The following LAMA2 variants were observed in gnomAD, a reference collection of about 807,000 sequenced individuals.
LAMA2 encodes the protein laminin subunit alpha-2.
LAMA2 carries 269 observed loss-of-function variants against 364.8 expected under a neutral mutation model. The observed-to-expected ratio is 0.74, with a 90% CI of 0.67 to 0.82. The LOEUF is 0.82. LAMA2 is among the 40% of genes least tolerant of loss of function. The pLI is 0.00. For synonymous variants in LAMA2, 1,379 were observed against 1,370.6 expected (o/e 1.01, Z -0.14); for missense variants, 3,807 against 3,873.2 (o/e 0.98, Z 0.45).
At chr6:129,398,798 T>C (rs1779804417) in intron 37 of LAMA2, among the ~76,000 whole-genome samples, 1 of 152,274 alleles carries the variant, frequency 6.6e-6, no homozygotes, top group East Asian at 1.9e-4. Flanking sequence ...TATTAAAAAA[T>C]ATTTATTGAG....
At chr6:129,234,198 A>G (rs1784846738) in intron 12 of LAMA2, among the ~76,000 whole-genome samples, 2 of 152,184 alleles carry the variant, frequency 1.3e-5, no homozygotes, top group African/African-American at 4.8e-5. Flanking sequence ...ATTGGTTTGC[A>G]AGGCCTGGAG....
At chr6:128,977,710 G>A (rs1397080311) in intron 1 of LAMA2, among the ~76,000 whole-genome samples, 2 of 152,168 alleles carry the variant, frequency 1.3e-5, no homozygotes, top group Admixed American at 6.5e-5. Context: ...GGTTTCGGTT[G>A]AGACAATAAT....
At chr6:129,026,237 T>G (rs1249037655) in intron 1 of LAMA2, among the ~76,000 whole-genome samples, 5 of 152,140 alleles carry the variant, frequency 3.3e-5, no homozygotes, top group African/African-American at 1.2e-4. Context: ...TTTGACAAGA[T>G]ATAAAAAATA....
At chr6:129,461,033 A>G (rs1427746008) in intron 49 of LAMA2, among the ~76,000 whole-genome samples, 1 of 152,052 alleles carries the variant, frequency 6.6e-6, no homozygotes, top group African/African-American at 2.4e-5. Context: ...ATAAAAATGA[A>G]TACAGGATAT....
At chr6:128,998,022 A>T (rs1784104521) in intron 1 of LAMA2, among the ~76,000 whole-genome samples, 2 of 152,130 alleles carry the variant, frequency 1.3e-5, no homozygotes, top group Admixed American at 1.3e-4. Context: ...ATTATAACAG[A>T]GTCCAAGAGT....
chr6:129,462,774 C>T (rs4897326), intron 49 of LAMA2, among the ~76,000 whole-genome samples: 98,555 of 151,650 alleles, frequency 0.65, 32,951 homozygotes, highest in African/African-American at 0.82. Context: ...TTATTTGTTG[C>T]TTTCAGGAAA....
At chr6:129,254,109 C>T (rs1786461566) in intron 14 of LAMA2, among the ~76,000 whole-genome samples, 1 of 152,156 alleles carries the variant, frequency 6.6e-6, no homozygotes, top group African/African-American at 2.4e-5. Context: ...ACTTGTCTTG[C>T]ACAGTAGGCT....
intron 30 of LAMA2, among the ~76,000 whole-genome samples, chr6:129,346,239 C>T (rs889535732): frequency 3.9e-5 from 6 of 152,142 alleles, no homozygotes; most frequent in African/African-American, 1.2e-4. Flanking sequence ...AGGCTCCAAG[C>T]CCTCAACTCC....
At chr6:129,300,143 G>GA (rs1298092582) in intron 21 of LAMA2, among the ~76,000 whole-genome samples, 1 of 152,084 alleles carries the variant, frequency 6.6e-6, no homozygotes, top group East Asian at 1.9e-4. Context: ...AAAATCTATA[G>GA]AAAAAAGTCA....
chr6:128,993,670 A>G (rs867068334), intron 1 of LAMA2, among the ~76,000 whole-genome samples: 1 of 152,210 alleles, frequency 6.6e-6, no homozygotes, highest in Admixed American at 6.5e-5. Context: ...TTAAAAAAAC[A>G]TAAACTTTAC....
intron 1 of LAMA2, among the ~76,000 whole-genome samples, chr6:129,005,402 A>G (rs553636084): frequency 1.2e-4 from 19 of 152,114 alleles, no homozygotes; most frequent in African/African-American, 3.6e-4. Flanking sequence ...AATTTTAATA[A>G]ATGATTTACT....
At chr6:129,014,145 A>G (rs552768645) in intron 1 of LAMA2, among the ~76,000 whole-genome samples, 25 of 152,312 alleles carry the variant, frequency 1.6e-4, no homozygotes, top group African/African-American at 6.0e-4. Flanking sequence ...AGGGAAGGCC[A>G]GAGAAGAAAC....
At chr6:129,406,979 G>T (rs147958976) in intron 40 of LAMA2, among the ~76,000 whole-genome samples, 1 of 152,168 alleles carries the variant, frequency 6.6e-6, no homozygotes, top group South Asian at 2.1e-4. Context: ...GAATCCAAAA[G>T]CTGAAGAACT....
At position 129,353,338 on chromosome 6, in the gene LAMA2, C is replaced by T. The variant is rs1023751354; in HGVS notation, c.4698C>T (p.Arg1566=). ...KCDGCKHWHA[R]EGWECVFCGD... ...ACGGCTGCAAGCACTGGCATGCACGCGAGGGCTGGGAGTGTGTTTGTACGT... is the reference window on the plus strand; with the variant it reads ...ACGGCTGCAAGCACTGGCATGCACGTGAGGGCTGGGAGTGTGTTTGTACGT... Residue 1566 remains arginine, a synonymous_variant, in exon 32 of 65, where the codon CGC becomes CGT. Coordinates refer to ENST00000421865, the MANE Select transcript of LAMA2 (RefSeq NM_000426.4). 8.7e-6 allele frequency: 14 copies of T among 1,613,534 alleles called. No individual in the cohort carries two copies. Among genetic ancestry groups the T allele is most frequent in the Middle Eastern group, 1.6e-4 (1 of 6,072 alleles).
chr6:129,225,058 T>C (rs1483262087), intron 12 of LAMA2, among the ~76,000 whole-genome samples: 1 of 152,176 alleles, frequency 6.6e-6, no homozygotes, highest in Admixed American at 6.5e-5. Context: ...TTGTTTAGTA[T>C]TGGGAGGGTG....
intron 3 of LAMA2, among the ~76,000 whole-genome samples, chr6:129,065,028 A>G (rs1019898451): frequency 2.6e-5 from 4 of 152,272 alleles, no homozygotes; most frequent in African/African-American, 9.6e-5. Context: ...CTAACAAACC[A>G]AATTCAGCAG....
At chr6:128,963,803 A>G (rs1195489199) in intron 1 of LAMA2, among the ~76,000 whole-genome samples, 1 of 152,138 alleles carries the variant, frequency 6.6e-6, no homozygotes, top group Admixed American at 6.5e-5. Context: ...TTTAGCTGAC[A>G]AAACATTCAT....
chr6:128,940,907 T>C (rs931176583), intron 1 of LAMA2, among the ~76,000 whole-genome samples: 1 of 152,160 alleles, frequency 6.6e-6, no homozygotes, highest in African/African-American at 2.4e-5. Context: ...GCTGAGATCA[T>C]GCCACTGTGC....
intron 1 of LAMA2, among the ~76,000 whole-genome samples, chr6:128,901,156 A>G (rs1346002740): frequency 1.3e-5 from 2 of 152,178 alleles, no homozygotes; most frequent in Non-Finnish European, 2.9e-5. Context: ...GACCTTATCT[A>G]GGAACAATAA....
Sources: gnomAD v4.1 joint callset for allele counts (sites outside exome capture counted in the v4.1 genomes callset) on GRCh38, gnomAD v4.1.1 for gene constraint, MANE v1.5 for transcripts, NCBI Gene and HGNC (gene_info 2026-07-23, HGNC 2026-07-21) for gene names.